The following STAB2 variants were observed in gnomAD, a reference collection of about 807,000 sequenced individuals.
The protein encoded by STAB2 is stabilin 2.
STAB2 carries 288 observed loss-of-function variants against 338.1 expected under a neutral mutation model. That is an observed-to-expected ratio of 0.85 (90% CI 0.77 to 0.94). The LOEUF is 0.94. Ranked by LOEUF, STAB2 falls within the 40% of genes least tolerant of loss-of-function variation. The pLI is 0.00. For missense variants in STAB2, 3,141 were observed against 3,210.1 expected (o/e 0.98, Z 0.52); for synonymous variants, 1,202 against 1,193.3 (o/e 1.01, Z -0.15).
chr12:103,651,407 G>A (rs12303536), intron 11 of STAB2, among the ~76,000 whole-genome samples: 6,343 of 149,584 alleles, frequency 0.042, 254 homozygotes, highest in African/African-American at 0.11. Context: ...TCTGCCTTCC[G>A]GGTTCAAGCT....
intron 23 of STAB2, among the ~76,000 whole-genome samples, chr12:103,674,683 G>A (rs1357927324): frequency 5.3e-5 from 8 of 152,144 alleles, no homozygotes; most frequent in African/African-American, 1.9e-4. Flanking sequence ...AATGCCAGAG[G>A]AAATTTACCT....
chr12:103,761,047 C>T (rs764581431), intron 65 of STAB2, among the ~76,000 whole-genome samples: 6 of 152,194 alleles, frequency 3.9e-5, no homozygotes, highest in Non-Finnish European at 7.3e-5. Context: ...CTTCTGATCA[C>T]TCATCTGTCA....
chr12:103,618,511 G>A (rs568267153), intron 3 of STAB2, among the ~76,000 whole-genome samples: 2 of 152,302 alleles, frequency 1.3e-5, no homozygotes, highest in African/African-American at 4.8e-5. Flanking sequence ...TTCCACGGAT[G>A]CTGATTTCAC....
At chr12:103,640,368 A>C in intron 9 of STAB2, 112 bp downstream of exon 9, 1 of 1,354,754 alleles carries the variant, frequency 7.4e-7, no homozygotes. Context: ...CCTTGCATCC[A>C]CCCCCACCCC....
intron 27 of STAB2, among the ~76,000 whole-genome samples, chr12:103,687,840 C>A (rs1434425714): frequency 6.6e-6 from 1 of 152,184 alleles, no homozygotes; most frequent in Admixed American, 6.5e-5. Flanking sequence ...CCCCACTTAG[C>A]GTCTAGGTAG....
chr12:103,750,283 G>A (rs1883509894), intron 59 of STAB2, among the ~76,000 whole-genome samples: 1 of 152,212 alleles, frequency 6.6e-6, no homozygotes, highest in African/African-American at 2.4e-5. Context: ...AAGGAGCCCT[G>A]TGAAGAACAT....
At chr12:103,617,164 C>T (rs1335482917) in intron 3 of STAB2, among the ~76,000 whole-genome samples, 1 of 152,168 alleles carries the variant, frequency 6.6e-6, no homozygotes, top group African/African-American at 2.4e-5. Context: ...TAGATCTCTT[C>T]CCCTGACAAC....
intron 5 of STAB2, among the ~76,000 whole-genome samples, chr12:103,629,977 G>A (rs1192760737): frequency 6.6e-6 from 1 of 152,206 alleles, no homozygotes; most frequent in African/African-American, 2.4e-5. Context: ...ATAAAGTGGT[G>A]AAAGATGAAA....
intron 8 of STAB2, among the ~76,000 whole-genome samples, chr12:103,639,917 G>A (rs1872782633): frequency 6.6e-6 from 1 of 152,148 alleles, no homozygotes; most frequent in Admixed American, 6.5e-5. Context: ...AACTTTATAA[G>A]CAAGGAGTAT....
chr12:103,758,126 C>T (rs761760860), intron 63 of STAB2, 44 bp from the exon 64 acceptor site: 3 of 1,612,312 alleles, frequency 1.9e-6, no homozygotes, highest in Non-Finnish European at 2.5e-6. Context: ...CAGGTCCCTG[C>T]ACACCAGGGC....
At chr12:103,692,441 C>T (rs1345653044) in intron 30 of STAB2, among the ~76,000 whole-genome samples, 1 of 152,144 alleles carries the variant, frequency 6.6e-6, no homozygotes, top group Non-Finnish European at 1.5e-5. Flanking sequence ...CAGGGTCAAA[C>T]CACAGGGTCA....
chr12:103,694,159 G>A (rs973433877), intron 31 of STAB2, among the ~76,000 whole-genome samples: 1 of 152,160 alleles, frequency 6.6e-6, no homozygotes, highest in Non-Finnish European at 1.5e-5. Context: ...CCAGAGTGGA[G>A]GCTAGCTAAA....
intron 10 of STAB2, among the ~76,000 whole-genome samples, chr12:103,649,894 T>A (rs1484690120): frequency 1.3e-5 from 2 of 152,026 alleles, no homozygotes; most frequent in Admixed American, 6.6e-5. Flanking sequence ...CCTGTTGACC[T>A]TTCACCTTCC....
chr12:103,620,347 A>G, intron 3 of STAB2, 121 bp from the exon 4 acceptor site: 1 of 857,170 alleles, frequency 1.2e-6, no homozygotes, highest in Non-Finnish European at 1.8e-6. Flanking sequence ...TGACACCAAC[A>G]GGTTCTGCAA....
chr12:103,602,842 G>A (rs532827451), intron 3 of STAB2, among the ~76,000 whole-genome samples: 1 of 152,188 alleles, frequency 6.6e-6, no homozygotes, highest in Admixed American at 6.5e-5. Context: ...TCTGTGTCTT[G>A]TCTTTCCAGT....
intron 50 of STAB2, 37 bp from the exon 51 acceptor site, chr12:103,732,969 G>T: frequency 6.2e-7 from 1 of 1,603,982 alleles, no homozygotes; most frequent in Non-Finnish European, 8.5e-7. Flanking sequence ...TCTGGGCCTT[G>T]CTCAAGCCAG....
chr12:103,694,446 C>T (rs530366344), intron 31 of STAB2, among the ~76,000 whole-genome samples: 42 of 152,264 alleles, frequency 2.8e-4, no homozygotes, highest in African/African-American at 9.6e-4. Context: ...TACAACGTTT[C>T]TGGAAAAAGC....
At position 103,735,529 on chromosome 12, in the gene STAB2, G is replaced by A. The variant is rs755154403; in HGVS notation, c.5499G>A (p.Lys1833=). The change falls in exon 52 of 69, where the codon AAG becomes AAA. Residue 1833 remains lysine, a synonymous_variant. Transcript: ENST00000388887. ...AVDLPTSTAW[K]TLQGSELSVK... is the part of the protein sequence containing the mutation. ...ATCTTCCCACATCCACTGCCTGGAA[G>A]ACCCTGCAAGGTTCAGAGCTGAGTG... 2 of 1,551,416 alleles carry A rather than the reference G, an allele frequency of 1.3e-6. No homozygotes were observed. The highest frequency in any genetic ancestry group is 8.7e-7 in the Non-Finnish European group (1 of 1,142,956).
intron 65 of STAB2, among the ~76,000 whole-genome samples, chr12:103,759,915 CTTAT>C (rs1327052029): frequency 6.6e-6 from 1 of 152,146 alleles, no homozygotes; most frequent in Non-Finnish European, 1.5e-5. Flanking sequence ...GGATCAAGAG[CTTAT>C]TTACTTTTTA....
Sources: gnomAD v4.1 joint callset for allele counts (sites outside exome capture counted in the v4.1 genomes callset) on GRCh38, gnomAD v4.1.1 for gene constraint, MANE v1.5 for transcripts, NCBI Gene and HGNC (gene_info 2026-07-23, HGNC 2026-07-21) for gene names.